The following PRKCB variants were observed in gnomAD, a reference collection of about 807,000 sequenced individuals.
PRKCB encodes protein kinase C beta.
A neutral mutation model predicts 81.5 loss-of-function variants in PRKCB; 13 were observed. The ratio of observed to expected loss-of-function variants is 0.16; its 90% CI spans 0.10 to 0.25. The LOEUF (loss-of-function observed/expected upper bound fraction) is 0.25, where lower values mean the gene tolerates loss of function less well. PRKCB is among the 10% of genes least tolerant of loss of function. The pLI is 1.00. For synonymous variants in PRKCB, 335 were observed against 321.4 expected (o/e 1.04, Z -0.45); for missense variants, 509 against 875.7 (o/e 0.58, Z 5.29).
intron 2 of PRKCB, among the ~76,000 whole-genome samples, chr16:23,981,978 TTCC>T: frequency 9.5e-6 from 1 of 105,520 alleles, no homozygotes; most frequent in African/African-American, 3.7e-5. Context: ...TCCCCTTCCC[TTCC>T]CTTTCCCTTC....
intron 2 of PRKCB, among the ~76,000 whole-genome samples, chr16:23,951,829 T>C (rs550167800): frequency 8.1e-4 from 124 of 152,250 alleles, no homozygotes; most frequent in Admixed American, 3.7e-3. Flanking sequence ...GTCTTTTCTT[T>C]TGGTTTATGA....
chr16:24,080,703 C>T (rs560079756), intron 5 of PRKCB, among the ~76,000 whole-genome samples: 40 of 151,930 alleles, frequency 2.6e-4, no homozygotes, highest in Non-Finnish European at 4.6e-4. Flanking sequence ...TGGAAAAATA[C>T]GGAAACTAAC....
chr16:24,082,174 A>G (rs1466205923), intron 5 of PRKCB, among the ~76,000 whole-genome samples: 1 of 152,234 alleles, frequency 6.6e-6, no homozygotes, highest in East Asian at 1.9e-4. Context: ...TCTAGAATCT[A>G]TATGCTAAAA....
intron 5 of PRKCB, among the ~76,000 whole-genome samples, chr16:24,091,187 G>C (rs1240294676): frequency 1.3e-5 from 2 of 152,136 alleles, no homozygotes; most frequent in East Asian, 3.9e-4. Flanking sequence ...TGTTATTTCA[G>C]ATAGCCTTTA....
chr16:23,965,197 A>C (rs1326843849), intron 2 of PRKCB, among the ~76,000 whole-genome samples: 1 of 152,100 alleles, frequency 6.6e-6, no homozygotes, highest in Non-Finnish European at 1.5e-5. Flanking sequence ...TCTTTGTGTC[A>C]TGAGTGCCTG....
In PRKCB at chr16:23,989,035, A is replaced by G. The variant is rs139983388; in HGVS notation, c.288+445A>G. Among the ~76,000 whole-genome samples the G allele has an allele frequency of 4.0e-3, 605 of 152,132 alleles. 1 individual carries two copies. The highest frequency in any genetic ancestry group is 0.037 in the Middle Eastern group (11 of 294). On this transcript the variant is annotated intron_variant, in intron 3 of 16. Transcript: ENST00000643927. ...GAGTGCAGTGGAGCAATCTCAGCTCACTGCAAGCTCCGCCTCCTGGGTTCA... is the reference window on the plus strand; with the variant it reads ...GAGTGCAGTGGAGCAATCTCAGCTCGCTGCAAGCTCCGCCTCCTGGGTTCA...
intron 9 of PRKCB, among the ~76,000 whole-genome samples, chr16:24,142,031 G>A (rs551798616): frequency 6.6e-6 from 1 of 152,198 alleles, no homozygotes; most frequent in East Asian, 1.9e-4. Context: ...CTGTGTGTTG[G>A]GCCCTGAGCT....
chr16:23,837,494 T>A, intron 2 of PRKCB, 88 bp downstream of exon 2: 1 of 1,503,910 alleles, frequency 6.6e-7, no homozygotes, highest in South Asian at 1.2e-5. Flanking sequence ...AGGCAGAGAG[T>A]GAAAGAATCA....
chr16:23,988,457 C>G (rs1443283285), intron 2 of PRKCB, 51 bp from the exon 3 acceptor site: 3 of 1,468,218 alleles, frequency 2.0e-6, no homozygotes, highest in Non-Finnish European at 2.9e-6. Flanking sequence ...TCTCTTCCTC[C>G]TCTCCGCTTT....
At chr16:24,038,332 A>G (rs1213118256) in intron 5 of PRKCB, among the ~76,000 whole-genome samples, 1 of 152,232 alleles carries the variant, frequency 6.6e-6, no homozygotes. Flanking sequence ...AGACCCTGGC[A>G]TATTGTAGGA....
At chr16:23,881,847 T>G (rs1963113320) in intron 2 of PRKCB, among the ~76,000 whole-genome samples, 1 of 152,036 alleles carries the variant, frequency 6.6e-6, no homozygotes, top group Non-Finnish European at 1.5e-5. Context: ...CCACCGAGCC[T>G]CTGGTAACCA....
At chr16:23,841,649 CTTTTTTT>C (rs59288831) in intron 2 of PRKCB, among the ~76,000 whole-genome samples, 2 of 59,046 alleles carry the variant, frequency 3.4e-5, no homozygotes, top group Admixed American at 2.6e-4. Flanking sequence ...CACCACGGCC[CTTTTTTT>C]TTTTTTTTTT....
intron 9 of PRKCB, among the ~76,000 whole-genome samples, chr16:24,134,195 G>C (rs957496784): frequency 6.6e-6 from 1 of 152,116 alleles, no homozygotes; most frequent in Non-Finnish European, 1.5e-5. Context: ...ACCATGCCCA[G>C]TCCAAACCAC....
At position 24,021,305 on chromosome 16, in the gene PRKCB, T is replaced by C. The variant is rs548349684; in HGVS notation, c.289-10831T>C. Among the ~76,000 whole-genome samples, 106 of 23,076 alleles carry C rather than the reference T, an allele frequency of 4.6e-3. 3 individuals are homozygous for C. The highest frequency in any genetic ancestry group is 9.4e-3 in the African/African-American group (24 of 2,546). The allele number at this position is 23,076 out of a possible 152,430, so 15.1% of individuals were successfully genotyped here. On this transcript the variant is annotated intron_variant, in intron 3 of 16. Transcript: ENST00000643927. ...TCTCCCTCTCCCTCCCTTCCTTCCT[T>C]CCTTCCTTCCTTCCTTCCTTCCTTC...
intron 7 of PRKCB, among the ~76,000 whole-genome samples, chr16:24,104,048 G>T (rs1222597676): frequency 6.6e-6 from 1 of 151,948 alleles, no homozygotes. Flanking sequence ...CAGGTGATCC[G>T]CCCGCCTCGG....
chr16:23,836,438 G>A (rs867406079), intron 1 of PRKCB, 90 bp downstream of exon 1: 21 of 1,444,038 alleles, frequency 1.5e-5, no homozygotes, highest in East Asian at 2.8e-5. Context: ...CGCCCTCCGC[G>A]CCCTCCGCAC....
At chr16:24,170,291 G>A (rs1369313372) in intron 10 of PRKCB, among the ~76,000 whole-genome samples, 4 of 151,522 alleles carry the variant, frequency 2.6e-5, no homozygotes, top group Non-Finnish European at 5.9e-5. Flanking sequence ...TAACCATCAA[G>A]TTCAAAATAT....
chr16:23,982,060 C>A (rs1281960863), intron 2 of PRKCB, among the ~76,000 whole-genome samples: 4 of 106,608 alleles, frequency 3.8e-5, no homozygotes, highest in Non-Finnish European at 5.8e-5. Flanking sequence ...CCTTTCCCTT[C>A]CCCTTCTCTT....
intron 3 of PRKCB, among the ~76,000 whole-genome samples, chr16:24,014,986 A>T (rs994517300): frequency 6.6e-6 from 1 of 152,160 alleles, no homozygotes; most frequent in African/African-American, 2.4e-5. Flanking sequence ...TTTTTAGAAG[A>T]GATGGGGTTT....
Sources: allele counts gnomAD v4.1 joint callset (sites outside exome capture counted in the v4.1 genomes callset), GRCh38; gene constraint gnomAD v4.1.1; transcripts MANE v1.5; gene names NCBI Gene and HGNC (gene_info 2026-07-23, HGNC 2026-07-21).